The following LRRC28 variants were observed in gnomAD, a reference collection of about 807,000 sequenced individuals.
LRRC28 encodes leucine-rich repeat-containing protein 28.
Under a neutral mutation model 45.7 loss-of-function variants are expected in LRRC28, and 39 were observed. That is an observed-to-expected ratio of 0.85 (90% confidence interval 0.66 to 1.12). LRRC28 has a LOEUF of 1.12. Among genes scored for constraint, LRRC28 ranks in the 50% most tolerant of loss-of-function variants. LRRC28 has a pLI of 0.00. For missense variants in LRRC28, 435 were observed against 438.5 expected (o/e 0.99, Z 0.07); for synonymous variants, 206 against 178.8 (o/e 1.15, Z -1.22).
intron 9 of LRRC28, among the ~76,000 whole-genome samples, chr15:99,365,870 AAAG>A (rs1442895891): frequency 6.6e-6 from 1 of 152,244 alleles, no homozygotes; most frequent in East Asian, 1.9e-4. Flanking sequence ...TATTTATAGC[AAAG>A]AAGAATAGCT....
At chr15:99,370,731 A>G (rs1330378888) in intron 9 of LRRC28, among the ~76,000 whole-genome samples, 3 of 152,200 alleles carry the variant, frequency 2.0e-5, no homozygotes, top group Admixed American at 6.5e-5. Context: ...AAGATTGCAT[A>G]GTGTGATCCA....
chr15:99,382,513 T>A (rs1957859867), intron 9 of LRRC28, among the ~76,000 whole-genome samples: 1 of 152,256 alleles, frequency 6.6e-6, no homozygotes, highest in Admixed American at 6.5e-5. Context: ...ATATTTAGAA[T>A]TAAGTTGTTT....
intron 5 of LRRC28, among the ~76,000 whole-genome samples, chr15:99,307,503 C>T (rs1955229478): frequency 6.6e-6 from 1 of 152,196 alleles, no homozygotes; most frequent in Non-Finnish European, 1.5e-5. Flanking sequence ...CAGATAGATG[C>T]CCAGTCCTAG....
rs1223120290 is a variant in LRRC28, at chr15:99,305,681, G to A, written c.385+17730G>A. Among the ~76,000 whole-genome samples, 3 of 151,744 alleles carry A rather than the reference G, an allele frequency of 2.0e-5. No individual in the cohort carries two copies. The East Asian group carries it at 5.8e-4, about 29-fold the overall frequency. The stretch of plus-strand genomic sequence containing the variant: ...AAAGCTCTATGATGTGCAAATTTGG[G>A]GTCAGTAAAATTTGGAAAGAGGAAT... On this transcript the variant is annotated intron_variant, in intron 5 of 9. Transcript: ENST00000301981.
intron 1 of LRRC28, among the ~76,000 whole-genome samples, chr15:99,253,407 C>A (rs1340399005): frequency 6.6e-6 from 1 of 152,186 alleles, no homozygotes; most frequent in African/African-American, 2.4e-5. Flanking sequence ...AGGCGTGAGC[C>A]ACTGCGCCCG....
rs147037027 is a variant in LRRC28 at position 99,257,972 on chromosome 15, A to G, written c.168+1847A>G. On this transcript the variant is annotated intron_variant, in intron 2 of 9. Coordinates refer to ENST00000301981, the MANE Select transcript of LRRC28 (RefSeq NM_144598.5). ...TGACGCTTTAGTTAAGATAAGGCTGATATCACTGACTAATGAAAATGCTCT... is the reference window on the plus strand; with the variant it reads ...TGACGCTTTAGTTAAGATAAGGCTGGTATCACTGACTAATGAAAATGCTCT... 542 of 814,218 alleles carry G rather than the reference A, an allele frequency of 6.7e-4. 8 individuals carry two copies. The East Asian group carries it at 0.012, about 18-fold the overall frequency. The allele number at this position is 814,218 out of a possible 1,614,324, so 50.4% of individuals were successfully genotyped here. A position where few individuals can be genotyped will look rare whatever the true frequency, so the allele number is the denominator to read the frequency against.
At chr15:99,335,009 G>A (rs754969152) in intron 6 of LRRC28, among the ~76,000 whole-genome samples, 1 of 152,002 alleles carries the variant, frequency 6.6e-6, no homozygotes, top group Non-Finnish European at 1.5e-5. Context: ...ATCAATGGAA[G>A]TAATAATCAA....
chr15:99,337,306 C>T (rs536563641), intron 6 of LRRC28, among the ~76,000 whole-genome samples: 3 of 152,332 alleles, frequency 2.0e-5, no homozygotes, highest in South Asian at 2.1e-4. Flanking sequence ...TGGGGAGTGA[C>T]GCTGTGTGTC....
intron 2 of LRRC28, among the ~76,000 whole-genome samples, chr15:99,262,790 C>T (rs1027387691): frequency 6.6e-6 from 1 of 151,398 alleles, no homozygotes; most frequent in Non-Finnish European, 1.5e-5. Context: ...ACTACAAGCA[C>T]ACACCACCAC....
intron 5 of LRRC28, among the ~76,000 whole-genome samples, chr15:99,293,878 G>A (rs2082198980): frequency 6.6e-6 from 1 of 152,120 alleles, no homozygotes; most frequent in African/African-American, 2.4e-5. Flanking sequence ...TCTACTGGCA[G>A]TGAACTATCT....
At chr15:99,313,749 A>T (rs755002029) in intron 5 of LRRC28, among the ~76,000 whole-genome samples, 31 of 151,758 alleles carry the variant, frequency 2.0e-4, no homozygotes, top group Middle Eastern at 3.2e-3. Flanking sequence ...CTTGGTTGAC[A>T]TTTTTTTTCT....
intron 6 of LRRC28, among the ~76,000 whole-genome samples, chr15:99,350,011 C>T (rs1160129443): frequency 2.0e-5 from 3 of 151,538 alleles, no homozygotes; most frequent in African/African-American, 4.9e-5. Context: ...TGGCGGGCGC[C>T]TGTAGTCCCA....
intron 6 of LRRC28, among the ~76,000 whole-genome samples, chr15:99,335,307 C>G (rs1956286206): frequency 6.6e-6 from 1 of 152,190 alleles, no homozygotes; most frequent in African/African-American, 2.4e-5. Context: ...GAGTAAGTCA[C>G]CAGAACCTCT....
chr15:99,336,203 A>T (rs544991407), intron 6 of LRRC28, among the ~76,000 whole-genome samples: 1 of 152,328 alleles, frequency 6.6e-6, no homozygotes, highest in Admixed American at 6.5e-5. Context: ...ATTGCTATAC[A>T]TATGCTCACT....
intron 3 of LRRC28, among the ~76,000 whole-genome samples, chr15:99,282,569 T>C (rs974212094): frequency 2.0e-5 from 3 of 152,218 alleles, no homozygotes; most frequent in Non-Finnish European, 2.9e-5. Flanking sequence ...ATACATCGTG[T>C]ATCAGTTGTC....
At chr15:99,362,931 A>T (rs1957242177) in intron 8 of LRRC28, among the ~76,000 whole-genome samples, 175 bp from the exon 9 acceptor site, 1 of 152,254 alleles carries the variant, frequency 6.6e-6, no homozygotes, top group African/African-American at 2.4e-5. Context: ...ATAAAAAAAA[A>T]ATTTCATTTT....
chr15:99,328,649 G>C (rs1956061439), intron 5 of LRRC28, among the ~76,000 whole-genome samples: 1 of 149,708 alleles, frequency 6.7e-6, no homozygotes, highest in South Asian at 2.2e-4. Context: ...ATGAGTCTGA[G>C]TGGACTAGGT....
chr15:99,257,667 C>A, intron 2 of LRRC28: 1 of 741,674 alleles, frequency 1.3e-6, no homozygotes, highest in Non-Finnish European at 2.5e-6. Context: ...CTGCTGCGTC[C>A]TGCTGACCTT....
chr15:99,286,280 G>A (rs2081957234), intron 3 of LRRC28, among the ~76,000 whole-genome samples: 1 of 152,042 alleles, frequency 6.6e-6, no homozygotes, highest in Non-Finnish European at 1.5e-5. Context: ...ACAGATGCAC[G>A]CCACCACGCC....
Sources: allele counts gnomAD v4.1 joint callset (sites outside exome capture counted in the v4.1 genomes callset), GRCh38; gene constraint gnomAD v4.1.1; transcripts MANE v1.5; gene names NCBI Gene and HGNC (gene_info 2026-07-23, HGNC 2026-07-21).